CACNA1E: variants seen among roughly 807,000 people sequenced by gnomAD.
The protein encoded by CACNA1E is voltage-dependent R-type calcium channel subunit alpha-1E.
In CACNA1E, 40 loss-of-function variants were observed where a neutral mutation model predicts 259.2. The ratio of observed to expected loss-of-function variants is 0.15; its 90% CI spans 0.12 to 0.20. The LOEUF is 0.20. Among genes scored for constraint, CACNA1E ranks in the 10% least tolerant of loss-of-function variants. CACNA1E has a pLI of 1.00. For missense variants in CACNA1E, 1,874 were observed against 3,040.1 expected, an observed-to-expected ratio of 0.62 and a Z score of 9.02; for synonymous variants, 1,104 against 1,138.5, an observed-to-expected ratio of 0.97 and a Z score of 0.61.
chr1:181,517,112 C>T lies in CACNA1E; in HGVS notation c.512+5602C>T, dbSNP rs80023117. ...GGGCTGGAGCCACGCAACATGAGAA[C>T]GTGAAAGGGTGTCCAGCCTGGCCCT... On this transcript the variant is annotated intron_variant, in intron 3 of 47. Coordinates refer to ENST00000367573, the MANE Select transcript of CACNA1E (RefSeq NM_001205293.3). Among the ~76,000 whole-genome samples the T allele has an allele frequency of 2.2e-3, 337 of 152,300 alleles. 2 individuals are homozygous for T. The highest frequency in any genetic ancestry group is 6.1e-3 in the African/African-American group (253 of 41,570).
At position 181,473,091 on chromosome 1, in the gene CACNA1E, G is replaced by A. The variant is rs575871857; in HGVS notation, c.435-10653G>A. Among the ~76,000 whole-genome samples the A allele has an allele frequency of 1.8e-4, 27 of 152,342 alleles. 1 individual carries two copies. In the East Asian group the frequency reaches 4.0e-3, roughly 23 times the overall value. On this transcript the variant is annotated intron_variant, in intron 2 of 11. Transcript: ENST00000524607. ...GATGTTCCTGAATGGTAGGAACAGT[G>A]CTACCCTTTGATTTGCTGAACACCG...
chr1:181,752,114 A>T (rs766605947), intron 26 of CACNA1E, 29 bp from the exon 27 acceptor site: 3 of 1,449,650 alleles, frequency 2.1e-6, no homozygotes, highest in East Asian at 4.5e-5. Flanking sequence ...CCCATTCCAT[A>T]TGATTCCCTG....
At position 181,772,373 on chromosome 1, in the gene CACNA1E, C is replaced by T. The variant is rs1572858618; in HGVS notation, c.5139+142C>T. On this transcript the variant is annotated intron_variant, in intron 37 of 47. Transcript: ENST00000367573. ...TCTCTCCACACCCCCACCATGCACA[C>T]ACTCACACTCACGTCCACACCCAGG... The T allele has an allele frequency of 5.4e-6, 4 of 744,932 alleles. No individual in the cohort carries two copies. In the East Asian group the frequency reaches 7.5e-5, roughly 14 times the overall value. The allele number at this position is 744,932 out of a possible 1,614,324, so 46.1% of individuals were successfully genotyped here. A position where few individuals can be genotyped will look rare whatever the true frequency, so the allele number is the denominator to read the frequency against.
chr1:181,422,500 T>A (rs1199279116), intron 2 of CACNA1E, among the ~76,000 whole-genome samples: 2 of 152,190 alleles, frequency 1.3e-5, no homozygotes, highest in Non-Finnish European at 2.9e-5. Context: ...TGGAGATTCA[T>A]GAGCTGTAAA....
At chr1:181,389,210 A>G (rs575222231) in intron 1 of CACNA1E, among the ~76,000 whole-genome samples, 3 of 152,172 alleles carry the variant, frequency 2.0e-5, no homozygotes, top group Non-Finnish European at 4.4e-5. Flanking sequence ...GCACTTAGGA[A>G]CACTAGACAG....
At chr1:181,370,507 G>A (rs186769287) in intron 1 of CACNA1E, among the ~76,000 whole-genome samples, 20 of 152,114 alleles carry the variant, frequency 1.3e-4, no homozygotes, top group African/African-American at 2.4e-4. Flanking sequence ...TTTGGCTCCC[G>A]CTTATAAGTG....
chr1:181,523,391 T>C (rs1667128672), intron 3 of CACNA1E, among the ~76,000 whole-genome samples: 1 of 152,236 alleles, frequency 6.6e-6, no homozygotes, highest in Admixed American at 6.5e-5. Flanking sequence ...ATTTATAAAA[T>C]ATAAATACAT....
chr1:181,358,849 T>G (rs1191665338), intron 1 of CACNA1E, among the ~76,000 whole-genome samples: 4 of 152,240 alleles, frequency 2.6e-5, no homozygotes, highest in Admixed American at 6.5e-5. Flanking sequence ...ACCAGTCTAA[T>G]GCATATGCCA....
At chr1:181,654,048 G>T (rs1658985411) in intron 7 of CACNA1E, among the ~76,000 whole-genome samples, 1 of 151,980 alleles carries the variant, frequency 6.6e-6, no homozygotes, top group Admixed American at 6.6e-5. Context: ...AAAGGTAATT[G>T]AGGGAATATG....
At chr1:181,621,799 G>A (rs1009977289) in intron 6 of CACNA1E, among the ~76,000 whole-genome samples, 7 of 152,120 alleles carry the variant, frequency 4.6e-5, no homozygotes, top group African/African-American at 1.2e-4. Context: ...CCAAGATGCC[G>A]AGAGACTGAG....
At chr1:181,793,004 G>A (rs2102882961) in intron 44 of CACNA1E, among the ~76,000 whole-genome samples, 1 of 152,238 alleles carries the variant, frequency 6.6e-6, no homozygotes. Context: ...GCTACTATTT[G>A]GATATATTCA....
Position 181,784,692 on chromosome 1 carries a change from G to A in CACNA1E, c.5502G>A (p.Glu1834=). The part of the protein sequence containing the change: ...GGADRQQLDS[E]LQKETLAIWP... Reference sequence around the variant, plus strand: ...CAGACAGGCAGCAGCTAGACTCAGAGCTACAAAAGGAGACCCTAGCCATCT... The same window carrying A: ...CAGACAGGCAGCAGCTAGACTCAGAACTACAAAAGGAGACCCTAGCCATCT... The change falls in exon 41 of 48, where the codon GAG becomes GAA. Residue 1834 remains glutamate, a synonymous_variant. Transcript: ENST00000367573. 3 of 1,585,682 alleles carry A rather than the reference G, an allele frequency of 1.9e-6. No homozygotes were observed. In the South Asian group the frequency reaches 3.5e-5, roughly 18 times the overall value.
chr1:181,526,585 T>G (rs1193532603), intron 3 of CACNA1E, among the ~76,000 whole-genome samples: 1 of 152,186 alleles, frequency 6.6e-6, no homozygotes, highest in African/African-American at 2.4e-5. Flanking sequence ...AGATTATTGG[T>G]TTTTCTATAT....
At chr1:181,795,767 A>AATATATATATAT (rs72040839) in intron 46 of CACNA1E, among the ~76,000 whole-genome samples, 1,162 of 113,266 alleles carry the variant, frequency 0.01, 58 homozygotes, top group African/African-American at 0.032. Flanking sequence ...TTTTGCTTTA[A>AATATATATATAT]ATATATATAT....
At chr1:181,383,438 G>C (rs1170164532) in intron 1 of CACNA1E, among the ~76,000 whole-genome samples, 1 of 152,222 alleles carries the variant, frequency 6.6e-6, no homozygotes, top group African/African-American at 2.4e-5. Context: ...GCAAGCGGGG[G>C]CAGAAAGGAA....
chr1:181,634,116 G>A (rs907283103), intron 6 of CACNA1E, among the ~76,000 whole-genome samples: 2 of 152,184 alleles, frequency 1.3e-5, no homozygotes, highest in African/African-American at 4.8e-5. Flanking sequence ...GGTCTTTGAA[G>A]TTAGGCAGAT....
At chr1:181,339,275 A>G (rs1452218815) in intron 1 of CACNA1E, among the ~76,000 whole-genome samples, 2 of 152,096 alleles carry the variant, frequency 1.3e-5, no homozygotes, top group East Asian at 3.9e-4. Context: ...AACAATATTA[A>G]TTCTTCTAAC....
At chr1:181,464,358 G>C (rs577626784) in intron 2 of CACNA1E, among the ~76,000 whole-genome samples, 1 of 151,460 alleles carries the variant, frequency 6.6e-6, no homozygotes, top group South Asian at 2.1e-4. Flanking sequence ...TTAGTCCCTG[G>C]GCATGACTTA....
intron 6 of CACNA1E, among the ~76,000 whole-genome samples, 190 bp downstream of exon 6, chr1:181,580,966 C>T (rs1205640146): frequency 3.9e-5 from 6 of 152,176 alleles, no homozygotes; most frequent in Admixed American, 6.5e-5. Context: ...CCTGTTGCTA[C>T]GTACAAGTAC....
Sources: gnomAD v4.1 joint callset for allele counts (sites outside exome capture counted in the v4.1 genomes callset) on GRCh38, gnomAD v4.1.1 for gene constraint, MANE v1.5 for transcripts, NCBI Gene and HGNC (gene_info 2026-07-23, HGNC 2026-07-21) for gene names.